The following GAS7 variants were observed in gnomAD, a reference collection of about 807,000 sequenced individuals.
The protein encoded by GAS7 is growth arrest specific 7.
GAS7 carries 28 observed loss-of-function variants against 71.1 expected under a neutral mutation model. The observed-to-expected ratio is 0.39, with a 90% CI of 0.29 to 0.54. The LOEUF (loss-of-function observed/expected upper bound fraction) is 0.54, where lower values mean the gene tolerates loss of function less well. Among genes scored for constraint, GAS7 ranks in the 20% least tolerant of loss-of-function variants. The pLI is 0.62. For missense variants in GAS7, 436 were observed against 627.8 expected (o/e 0.69, Z 3.27); for synonymous variants, 258 against 245.8 (o/e 1.05, Z -0.46).
Position 9,987,414 on chromosome 17 carries a change from A to AT in GAS7, c.305-5531dup, listed in dbSNP as rs150935425. On this transcript the variant is annotated intron_variant, in intron 2 of 13. Coordinates refer to ENST00000432992, the MANE Select transcript of GAS7 (RefSeq NM_201433.2). ...ATGAAACCAGTCTAAGGGAGGTACT[A>AT]TTTTAGCATTAATGCTAAGAGCCAA... Among the ~76,000 whole-genome samples the AT allele has an allele frequency of 2.7e-3, 413 of 152,386 alleles. 3 individuals carry two copies. The highest frequency in any genetic ancestry group is 9.5e-3 in the African/African-American group (397 of 41,600).
At chr17:10,109,100 C>A (rs1026275336) in intron 1 of GAS7, among the ~76,000 whole-genome samples, 7 of 151,484 alleles carry the variant, frequency 4.6e-5, no homozygotes, top group Admixed American at 2.0e-4. Context: ...CCAGAATATA[C>A]AAGGAACTCA....
At chr17:10,140,706 C>T (rs1464996201) in intron 1 of GAS7, among the ~76,000 whole-genome samples, 1 of 152,166 alleles carries the variant, frequency 6.6e-6, no homozygotes, top group African/African-American at 2.4e-5. Context: ...CTAATTGCTC[C>T]TCACTGTAAG....
intron 11 of GAS7, among the ~76,000 whole-genome samples, chr17:9,921,179 C>T (rs57498537): frequency 0.37 from 52,480 of 142,534 alleles, 9,610 homozygotes; most frequent in Non-Finnish European, 0.38. Flanking sequence ...TTTTTTGAGA[C>T]GGAGTCTGGC....
intron 1 of GAS7, among the ~76,000 whole-genome samples, chr17:10,181,847 A>C (rs2074419360): frequency 6.6e-6 from 1 of 152,176 alleles, no homozygotes; most frequent in Admixed American, 6.5e-5. Context: ...AAACCCACCA[A>C]AACCAAGATG....
intron 1 of GAS7, among the ~76,000 whole-genome samples, chr17:10,065,281 A>G (rs903528459): frequency 1.3e-5 from 2 of 152,206 alleles, no homozygotes; most frequent in African/African-American, 4.8e-5. Context: ...TCTTCCAAAG[A>G]TATCTGCATT....
rs572405582 is a variant in GAS7 at position 10,181,680 on chromosome 17, ATG to A, written c.183+16526_183+16527del. On this transcript the variant is annotated intron_variant, in intron 1 of 13. Transcript: ENST00000432992. ...AAAGGCAATGAAGAACCTATGAAAA[ATG>A]TTAAACAGCAGAGTTCCGTGATCAA... Among the ~76,000 whole-genome samples the A allele has an allele frequency of 4.6e-5, 7 of 152,326 alleles. No individual in the cohort carries two copies. The East Asian group carries it at 1.4e-3, about 29-fold the overall frequency.
chr17:10,102,350 G>A (rs915172305), intron 1 of GAS7, among the ~76,000 whole-genome samples: 1 of 152,006 alleles, frequency 6.6e-6, no homozygotes, highest in East Asian at 1.9e-4. Flanking sequence ...TGTACAAAGA[G>A]TCTGGAATTT....
chr17:10,142,141 G>A (rs35825413), intron 1 of GAS7, among the ~76,000 whole-genome samples: 47,531 of 151,302 alleles, frequency 0.31, 9,175 homozygotes, highest in Non-Finnish European at 0.43. Context: ...GCGTGAACCC[G>A]GGAGGCGGAG....
At chr17:10,040,070 C>G (rs1291256730) in intron 1 of GAS7, among the ~76,000 whole-genome samples, 3 of 152,244 alleles carry the variant, frequency 2.0e-5, no homozygotes, top group African/African-American at 7.2e-5. Flanking sequence ...TGAGCACTCA[C>G]TTTGGACCAG....
intron 2 of GAS7, among the ~76,000 whole-genome samples, chr17:9,992,455 G>A (rs2070878626): frequency 6.6e-6 from 1 of 152,100 alleles, no homozygotes; most frequent in African/African-American, 2.4e-5. Flanking sequence ...GCTGCAGTGA[G>A]GGAAGCCCGG....
At chr17:9,982,962 G>T (rs1259574656) in intron 2 of GAS7, among the ~76,000 whole-genome samples, 1 of 152,164 alleles carries the variant, frequency 6.6e-6, no homozygotes, top group Non-Finnish European at 1.5e-5. Flanking sequence ...CATGAGCAGA[G>T]ACTTCTTATG....
intron 1 of GAS7, among the ~76,000 whole-genome samples, chr17:10,183,513 T>C (rs916810253): frequency 6.6e-6 from 1 of 152,086 alleles, no homozygotes; most frequent in African/African-American, 2.4e-5. Context: ...CAGGCTCTCC[T>C]GATCCTCAGA....
rs1319750543 is a variant in GAS7, at chr17:10,087,537, A to G, written c.184-67640T>C. Reference sequence around the variant, plus strand: ...AGTTCACTGATGAATGAAGAAAGGAAGGAAGGAGGCAGGGGAGGCTTTCTG... The same window carrying G: ...AGTTCACTGATGAATGAAGAAAGGAGGGAAGGAGGCAGGGGAGGCTTTCTG... On this transcript the variant is annotated intron_variant, in intron 1 of 13. Coordinates refer to ENST00000432992, the MANE Select transcript of GAS7 (RefSeq NM_201433.2). 2.0e-5 allele frequency among the ~76,000 whole-genome samples: 3 copies of G among 152,228 alleles called. No homozygotes were observed. In the East Asian group the frequency reaches 5.8e-4, roughly 29 times the overall value.
intron 1 of GAS7, among the ~76,000 whole-genome samples, chr17:10,186,888 C>A (rs199540234): frequency 3.4e-5 from 5 of 148,464 alleles, no homozygotes; most frequent in South Asian, 2.2e-4. Context: ...ATTCTGTCTC[C>A]AAAAAAAAAC....
At chr17:10,126,078 C>A (rs1288719761) in intron 1 of GAS7, among the ~76,000 whole-genome samples, 1 of 152,168 alleles carries the variant, frequency 6.6e-6, no homozygotes, top group Non-Finnish European at 1.5e-5. Flanking sequence ...GGACCCACAG[C>A]AGGGGTCGGG....
intron 2 of GAS7, among the ~76,000 whole-genome samples, chr17:10,016,908 C>T (rs1378305761): frequency 2.0e-5 from 3 of 150,604 alleles, no homozygotes; most frequent in Non-Finnish European, 3.0e-5. Context: ...CATGATCGTG[C>T]CACTGCACTC....
chr17:10,158,169 C>T (rs2074219342), intron 1 of GAS7, among the ~76,000 whole-genome samples: 1 of 151,998 alleles, frequency 6.6e-6, no homozygotes, highest in Non-Finnish European at 1.5e-5. Flanking sequence ...CGCCACCACA[C>T]CTGGCTAATT....
intron 4 of GAS7, among the ~76,000 whole-genome samples, chr17:9,963,054 GA>G (rs982329819): frequency 1.5e-4 from 19 of 127,158 alleles, no homozygotes; most frequent in African/African-American, 5.8e-4. Context: ...AAAAAAAAAA[GA>G]AAAAAAGGTG....
chr17:10,165,443 G>C (rs1210411451), intron 1 of GAS7, among the ~76,000 whole-genome samples: 1 of 152,194 alleles, frequency 6.6e-6, no homozygotes, highest in African/African-American at 2.4e-5. Context: ...TGACTAAGGA[G>C]TTCTTGTGGC....
Sources: allele counts gnomAD v4.1 joint callset (sites outside exome capture counted in the v4.1 genomes callset), GRCh38; gene constraint gnomAD v4.1.1; transcripts MANE v1.5; gene names NCBI Gene and HGNC (gene_info 2026-07-23, HGNC 2026-07-21).